CLSTN2: variants seen among roughly 807,000 people sequenced by gnomAD.
The protein encoded by CLSTN2 is calsyntenin 2, also known as calsyntenin-2.
A neutral mutation model predicts 101.2 loss-of-function variants in CLSTN2; 48 were observed. That is an observed-to-expected ratio of 0.47 (90% CI 0.38 to 0.60). The LOEUF is 0.60. Among genes scored for constraint, CLSTN2 ranks in the 20% least tolerant of loss-of-function variants. The pLI is 0.00. For synonymous variants in CLSTN2, 481 were observed against 463.6 expected (o/e 1.04, Z -0.48); for missense variants, 1,160 against 1,238.2 (o/e 0.94, Z 0.95).
At chr3:140,129,644 C>G (rs1016360831) in intron 1 of CLSTN2, among the ~76,000 whole-genome samples, 5 of 152,178 alleles carry the variant, frequency 3.3e-5, no homozygotes, top group African/African-American at 1.2e-4. Flanking sequence ...CATCTAGCAA[C>G]CCCTTGGTTC....
chr3:140,273,749 G>A (rs1395735901), intron 2 of CLSTN2, among the ~76,000 whole-genome samples: 1 of 152,174 alleles, frequency 6.6e-6, no homozygotes, highest in East Asian at 1.9e-4. Flanking sequence ...CTGACTCATA[G>A]TGGTGGATGT....
chr3:140,422,888 T>C (rs1164437255), intron 5 of CLSTN2, among the ~76,000 whole-genome samples: 12 of 152,156 alleles, frequency 7.9e-5, no homozygotes, highest in African/African-American at 2.7e-4. Flanking sequence ...AATGAATAAA[T>C]GAATGAATGA....
intron 2 of CLSTN2, among the ~76,000 whole-genome samples, chr3:140,266,631 A>G (rs1280822840): frequency 6.6e-6 from 1 of 151,862 alleles, no homozygotes; most frequent in Non-Finnish European, 1.5e-5. Flanking sequence ...TAAATGAAAA[A>G]ATGTGCCTGA....
intron 6 of CLSTN2, among the ~76,000 whole-genome samples, chr3:140,457,078 G>A (rs1420574181): frequency 6.6e-6 from 1 of 152,178 alleles, no homozygotes; most frequent in Non-Finnish European, 1.5e-5. Flanking sequence ...GCCAAAAAAA[G>A]GACCCTCTGG....
At chr3:139,975,727 G>T (rs1016191932) in intron 1 of CLSTN2, among the ~76,000 whole-genome samples, 3 of 152,134 alleles carry the variant, frequency 2.0e-5, no homozygotes, top group African/African-American at 7.2e-5. Flanking sequence ...ATAGTGGGAC[G>T]CAGGGGGTGC....
intron 8 of CLSTN2, among the ~76,000 whole-genome samples, chr3:140,494,823 A>G (rs1283881220): frequency 1.3e-5 from 2 of 152,222 alleles, no homozygotes; most frequent in Non-Finnish European, 2.9e-5. Context: ...AGAGTATTCC[A>G]TGGTGTATAT....
intron 2 of CLSTN2, among the ~76,000 whole-genome samples, chr3:140,300,559 C>T (rs2087048038): frequency 6.6e-6 from 1 of 152,086 alleles, no homozygotes; most frequent in Admixed American, 6.6e-5. Context: ...GCACAGGGTT[C>T]TTTTGGGGTC....
At chr3:140,275,438 A>C (rs2086784996) in intron 2 of CLSTN2, among the ~76,000 whole-genome samples, 2 of 151,840 alleles carry the variant, frequency 1.3e-5, no homozygotes, top group African/African-American at 4.8e-5. Flanking sequence ...CCAGCTTTTA[A>C]AATTATTATT....
chr3:140,544,977 GA>G (rs1240094823), intron 9 of CLSTN2, among the ~76,000 whole-genome samples: 1 of 152,136 alleles, frequency 6.6e-6, no homozygotes, highest in African/African-American at 2.4e-5. Context: ...ATTCAAACAG[GA>G]GAAAGAAAAC....
In CLSTN2 at chr3:139,935,334, C is replaced by A; in HGVS notation, c.-41C>A. 9.0e-7 allele frequency: 1 copy of A among 1,105,714 alleles called. No individual in the cohort carries two copies. The highest frequency in any genetic ancestry group is 1.1e-6 in the Non-Finnish European group (1 of 875,202). The allele number at this position is 1,105,714 out of a possible 1,614,324, so 68.5% of individuals were successfully genotyped here. A position where few individuals can be genotyped will look rare whatever the true frequency, so the allele number is the denominator to read the frequency against. On this transcript the variant is annotated 5_prime_UTR_variant, in exon 1 of 17. Transcript: ENST00000458420. The surrounding 1 kb of genome is among the most constrained non-coding windows in gnomAD (Gnocchi z 5.5). ...ACCGGGAGGCGAGAGCCGGCGCGGA[C>A]AGTAGGCGGCGGCTGCAGCTCGTTG...
At chr3:140,442,071 T>A (rs1020383996) in intron 5 of CLSTN2, among the ~76,000 whole-genome samples, 2 of 152,226 alleles carry the variant, frequency 1.3e-5, no homozygotes, top group Non-Finnish European at 2.9e-5. Flanking sequence ...TCTGCAATGC[T>A]ATATTAACCA....
At chr3:140,439,627 T>C (rs1396755514) in intron 5 of CLSTN2, among the ~76,000 whole-genome samples, 2 of 152,212 alleles carry the variant, frequency 1.3e-5, no homozygotes, top group African/African-American at 4.8e-5. Flanking sequence ...GAAGCCAGTT[T>C]TAAGTGCAGT....
intron 1 of CLSTN2, among the ~76,000 whole-genome samples, chr3:140,106,383 T>C (rs2009058867): frequency 6.6e-6 from 1 of 152,214 alleles, no homozygotes; most frequent in Non-Finnish European, 1.5e-5. Context: ...CACAGCCTCA[T>C]GCCTGGGTCT....
chr3:140,224,004 C>T (rs1305989929), intron 2 of CLSTN2, among the ~76,000 whole-genome samples: 3 of 152,184 alleles, frequency 2.0e-5, no homozygotes, highest in Non-Finnish European at 4.4e-5. Context: ...AGGCTGCATC[C>T]AGAGGTGAAT....
At chr3:140,564,467 G>C (rs1935991974) in intron 16 of CLSTN2, among the ~76,000 whole-genome samples, 1 of 152,234 alleles carries the variant, frequency 6.6e-6, no homozygotes, top group South Asian at 2.1e-4. Flanking sequence ...TTAGCTCAGA[G>C]CTAACTAACA....
intron 2 of CLSTN2, among the ~76,000 whole-genome samples, chr3:140,296,969 G>A (rs2087011088): frequency 6.6e-6 from 1 of 152,206 alleles, no homozygotes; most frequent in African/African-American, 2.4e-5. Flanking sequence ...GTGCTGGGTG[G>A]ATGGGTGGAT....
intron 1 of CLSTN2, among the ~76,000 whole-genome samples, chr3:140,046,155 T>TAA (rs1374157585): frequency 2.6e-5 from 4 of 152,216 alleles, no homozygotes; most frequent in African/African-American, 9.7e-5. Context: ...TCTAAGTCTC[T>TAA]TTGTAGGTCT....
chr3:139,955,855 G>C lies in CLSTN2; in HGVS notation c.109+20372G>C, dbSNP rs548336607. Among the ~76,000 whole-genome samples the C allele has an allele frequency of 3.9e-5, 6 of 152,320 alleles. No homozygotes were observed. The South Asian group carries it at 1.2e-3, about 32-fold the overall frequency. On this transcript the variant is annotated intron_variant, in intron 1 of 16. Transcript: ENST00000458420. ...GCCCCGGAGGTGGGCAGCATGCATG[G>C]AGGGAGCTCTGGAGCAAAGATGGAG... is the stretch of plus-strand genomic sequence containing the variant.
chr3:140,387,455 C>T (rs957908465), intron 2 of CLSTN2, among the ~76,000 whole-genome samples: 51 of 152,160 alleles, frequency 3.4e-4, no homozygotes, highest in Non-Finnish European at 8.8e-5. Flanking sequence ...TTTCTGCTTC[C>T]ACAGGTTCCT....
Sources: gnomAD v4.1 joint callset for allele counts (sites outside exome capture counted in the v4.1 genomes callset) on GRCh38, gnomAD v4.1.1 for gene constraint, Gnocchi (gnomAD v3.1) non-coding constraint, MANE v1.5 for transcripts, NCBI Gene and HGNC (gene_info 2026-07-23, HGNC 2026-07-21) for gene names.